ITSN2: variants seen among roughly 807,000 people sequenced by gnomAD.
The protein encoded by ITSN2 is intersectin-2.
ITSN2 carries 156 observed loss-of-function variants against 243.7 expected under a neutral mutation model. That is an observed-to-expected ratio of 0.64 (90% CI 0.56 to 0.73). The LOEUF is 0.73. Ranked by LOEUF, ITSN2 falls within the 30% of genes least tolerant of loss-of-function variation. The pLI, the probability that ITSN2 is intolerant of heterozygous loss-of-function variation, is 0.00. For missense variants in ITSN2, 1,801 were observed against 1,996.1 expected (o/e 0.90, Z 1.86); for synonymous variants, 703 against 699.9 (o/e 1.00, Z -0.07).
At chr2:24,302,719 G>C in intron 9 of ITSN2, among the ~76,000 whole-genome samples, 1 of 152,170 alleles carries the variant, frequency 6.6e-6, no homozygotes. Context: ...TTCTGAGAAA[G>C]TGGCTTGTCT....
chr2:24,261,474 G>A (rs1675844691), intron 21 of ITSN2, 87 bp downstream of exon 21: 2 of 1,111,952 alleles, frequency 1.8e-6, no homozygotes, highest in Non-Finnish European at 2.6e-6. Flanking sequence ...ATTACACTAT[G>A]ATGAAGTAGT....
At chr2:24,322,849 A>T (rs764643677) in intron 2 of ITSN2, among the ~76,000 whole-genome samples, 2 of 152,168 alleles carry the variant, frequency 1.3e-5, no homozygotes, top group Admixed American at 6.5e-5. Context: ...GCATATATAC[A>T]GAACTATTCA....
chr2:24,216,256 T>C (rs1669946730), intron 31 of ITSN2, 24 bp from the exon 32 acceptor site: 3 of 1,545,860 alleles, frequency 1.9e-6, no homozygotes, highest in Non-Finnish European at 2.6e-6. Context: ...ACTCTCATTT[T>C]GTGTTTCTAA....
chr2:24,323,816 A>T (rs1684850650), intron 2 of ITSN2, among the ~76,000 whole-genome samples: 1 of 152,334 alleles, frequency 6.6e-6, no homozygotes, highest in East Asian at 1.9e-4. Flanking sequence ...AATCCCAGGG[A>T]ACAATATAAT....
At chr2:24,280,458 T>C (rs1466706361) in intron 17 of ITSN2, among the ~76,000 whole-genome samples, 1 of 152,160 alleles carries the variant, frequency 6.6e-6, no homozygotes, top group Non-Finnish European at 1.5e-5. Context: ...CTCTCCACTC[T>C]CCTGGAACTT....
In ITSN2 at chr2:24,246,848, C is replaced by A; in HGVS notation, c.3334G>T (p.Val1112Phe). ...RQKGWFPASH[V>F]KLLGPSSERA... ...TCACTACTTGGACCCAAAAGTTTAA[C>A]ATGACTGGCAGGAAACCATCCTTTC... Residue 1112 changes from valine (V) to phenylalanine (F), a missense_variant, in exon 28 of 40, where the codon GTT becomes TTT. Physicochemically the swap from Val to Phe is conservative, Grantham distance 50. Coordinates refer to ENST00000355123, the MANE Select transcript of ITSN2 (RefSeq NM_006277.3). 1 of 1,613,382 alleles carries A rather than the reference C, an allele frequency of 6.2e-7. No homozygotes were observed. Among genetic ancestry groups the A allele is most frequent in the Non-Finnish European group, 8.5e-7 (1 of 1,179,576 alleles).
At chr2:24,284,885 A>G in intron 16 of ITSN2, 42 bp from the exon 17 acceptor site, 1 of 885,268 alleles carries the variant, frequency 1.1e-6, no homozygotes, top group Non-Finnish European at 1.7e-6. Flanking sequence ...AACTACGTAC[A>G]GAATTTTTTT....
intron 30 of ITSN2, among the ~76,000 whole-genome samples, chr2:24,218,647 C>T (rs2551184): frequency 0.97 from 147,803 of 152,236 alleles, 71,759 homozygotes; most frequent in East Asian, 0.99. Context: ...GTGATGGAGG[C>T]GAAGCTGAGT....
At chr2:24,361,138 C>A (rs1210351547), upstream of ITSN2, among the ~76,000 whole-genome samples, 5 of 152,166 alleles carry the variant, frequency 3.3e-5, no homozygotes, top group Non-Finnish European at 5.9e-5. Context: ...GGAGCGCCCA[C>A]GAGGAGCACC....
intron 1 of ITSN2, among the ~76,000 whole-genome samples, chr2:24,349,122 C>A (rs140776605): frequency 3.4e-3 from 520 of 152,114 alleles, no homozygotes; most frequent in African/African-American, 6.1e-3. Context: ...TAATCATCAT[C>A]ATCATCATCA....
intron 1 of ITSN2, among the ~76,000 whole-genome samples, chr2:24,343,065 T>C (rs1687192591): frequency 1.4e-5 from 2 of 146,198 alleles, no homozygotes; most frequent in Admixed American, 7.0e-5. Context: ...TACTCCAGCC[T>C]GAGTAACAGA....
At chr2:24,327,240 G>A (rs1472884958) in intron 2 of ITSN2, among the ~76,000 whole-genome samples, 3 of 151,940 alleles carry the variant, frequency 2.0e-5, no homozygotes, top group African/African-American at 7.3e-5. Context: ...GCTACAATCA[G>A]AACAAAACTT....
At chr2:24,210,527 G>A (rs1237419699) in intron 34 of ITSN2, among the ~76,000 whole-genome samples, 7 of 147,208 alleles carry the variant, frequency 4.8e-5, no homozygotes, top group African/African-American at 1.3e-4. Flanking sequence ...CCAGAGAATC[G>A]CTCCAACCCG....
intron 20 of ITSN2, among the ~76,000 whole-genome samples, chr2:24,262,814 T>C (rs1676079702): frequency 6.6e-6 from 1 of 152,028 alleles, no homozygotes; most frequent in South Asian, 2.1e-4. Flanking sequence ...AAACTGAACT[T>C]TTCTCCTCCA....
At position 24,308,768 on chromosome 2, in the gene ITSN2, T is replaced by A. The variant is rs779789036; in HGVS notation, c.654-12A>T. The stretch of plus-strand genomic sequence containing the variant: ...TCGAGGAAGTTGAGCTATAAAAAAA[T>A]TTATTTAAAATTTTTATGTTACTAA... On this transcript the variant is annotated splice_polypyrimidine_tract_variant and intron_variant, in intron 7 of 39. Transcript: ENST00000355123. 1.5e-6 allele frequency: 2 copies of A among 1,341,530 alleles called. No homozygotes were observed. Among genetic ancestry groups the A allele is most frequent in the Admixed American group, 2.7e-5 (1 of 36,618 alleles). 83.1% of individuals were successfully genotyped at this position (1,341,530 alleles called of 1,614,324 possible).
intron 1 of ITSN2, among the ~76,000 whole-genome samples, chr2:24,350,798 A>AT (rs1460955324): frequency 6.6e-6 from 1 of 152,180 alleles, no homozygotes; most frequent in East Asian, 1.9e-4. Flanking sequence ...AGGATAGGCA[A>AT]TTTCATAGAC....
At chr2:24,241,746 T>C (rs771361910) in intron 29 of ITSN2, 4 of 152,594 alleles carry the variant, frequency 2.6e-5, no homozygotes, top group South Asian at 2.1e-4. Flanking sequence ...TCAAACATAA[T>C]AGCAGAACAT....
intron 13 of ITSN2, 68 bp from the exon 14 acceptor site, chr2:24,295,872 T>A: frequency 1.7e-6 from 2 of 1,150,342 alleles, no homozygotes; most frequent in Non-Finnish European, 2.4e-6. Context: ...ACAAGGAGAA[T>A]AATATTTTTA....
chr2:24,346,169 G>A (rs545079480), intron 1 of ITSN2, among the ~76,000 whole-genome samples: 2 of 152,254 alleles, frequency 1.3e-5, no homozygotes, highest in South Asian at 2.1e-4. Context: ...AGGAGGGTGG[G>A]GGATTAACTG....
Sources: allele counts gnomAD v4.1 joint callset (sites outside exome capture counted in the v4.1 genomes callset), GRCh38; gene constraint gnomAD v4.1.1; transcripts MANE v1.5; gene names NCBI Gene and HGNC (gene_info 2026-07-23, HGNC 2026-07-21).